The following RSPO2 variants were observed in gnomAD, a reference collection of about 807,000 sequenced individuals.
RSPO2 encodes R-spondin 2, also known as R-spondin-2.
Under a neutral mutation model 30.9 loss-of-function variants are expected in RSPO2, and 14 were observed. The observed-to-expected ratio is 0.45, with a 90% CI of 0.30 to 0.71. The LOEUF (loss-of-function observed/expected upper bound fraction) is 0.71, where lower values mean the gene tolerates loss of function less well. Among genes scored for constraint, RSPO2 ranks in the 30% least tolerant of loss-of-function variants. RSPO2 has a pLI of 0.08. For missense variants in RSPO2, 264 were observed against 301.9 expected (o/e 0.87, Z 0.93); for synonymous variants, 107 against 96.4 (o/e 1.11, Z -0.64).
At chr8:108,075,252 G>A (rs1013081267) in intron 2 of RSPO2, among the ~76,000 whole-genome samples, 4 of 152,144 alleles carry the variant, frequency 2.6e-5, no homozygotes, top group Non-Finnish European at 5.9e-5. Context: ...AGGCCAAGGC[G>A]GGAGGATCAC....
intron 2 of RSPO2, among the ~76,000 whole-genome samples, chr8:108,074,421 TACACACATGC>T (rs1453891141): frequency 1.3e-5 from 2 of 152,174 alleles, no homozygotes; most frequent in Non-Finnish European, 2.9e-5. Context: ...TACAGGCAAG[TACACACATGC>T]ACACACACAT....
intron 2 of RSPO2, among the ~76,000 whole-genome samples, chr8:108,064,826 T>C (rs1172977663): frequency 6.6e-6 from 1 of 152,174 alleles, no homozygotes; most frequent in Non-Finnish European, 1.5e-5. Context: ...ATATACACCA[T>C]GGAATACTAT....
At chr8:107,903,718 C>A (rs1054875855) in intron 5 of RSPO2, among the ~76,000 whole-genome samples, 1 of 152,048 alleles carries the variant, frequency 6.6e-6, no homozygotes, top group African/African-American at 2.4e-5. Context: ...CTAATTACAA[C>A]CCTAAAGATT....
intron 2 of RSPO2, among the ~76,000 whole-genome samples, chr8:108,048,449 A>G (rs1047257694): frequency 2.0e-5 from 3 of 151,992 alleles, no homozygotes; most frequent in African/African-American, 7.3e-5. Context: ...CAGTAATGTT[A>G]AGAAAATTGA....
intron 5 of RSPO2, among the ~76,000 whole-genome samples, chr8:107,928,107 A>G (rs1812443040): frequency 2.0e-5 from 3 of 152,126 alleles, no homozygotes; most frequent in Admixed American, 6.6e-5. Context: ...TATTTTAGAG[A>G]CCCATGAGAA....
intron 5 of RSPO2, among the ~76,000 whole-genome samples, chr8:107,928,480 C>T (rs891258408): frequency 2.0e-5 from 3 of 152,144 alleles, no homozygotes; most frequent in Admixed American, 2.0e-4. Flanking sequence ...CTAAGCCTAA[C>T]CTTTTGATTC....
At position 107,901,560 on chromosome 8, in the gene RSPO2, G is replaced by C. The variant is rs74777535; in HGVS notation, c.617-370C>G. On this transcript the variant is annotated intron_variant, in intron 5 of 5. Coordinates refer to ENST00000276659, the MANE Select transcript of RSPO2 (RefSeq NM_178565.5). ...CTTACTACTGCTCCACGTGTCAGTGGGTCAAAAGAAAATAAGCATCTATCT... is the reference window on the plus strand; with the variant it reads ...CTTACTACTGCTCCACGTGTCAGTGCGTCAAAAGAAAATAAGCATCTATCT... Among the ~76,000 whole-genome samples the C allele has an allele frequency of 2.1e-3, 314 of 152,196 alleles. 6 individuals carry two copies. The East Asian group carries it at 0.047, about 23-fold the overall frequency.
At chr8:107,926,668 C>T (rs1422628586) in intron 5 of RSPO2, among the ~76,000 whole-genome samples, 2 of 152,096 alleles carry the variant, frequency 1.3e-5, no homozygotes, top group Non-Finnish European at 2.9e-5. Context: ...TTCCCCATTG[C>T]TTGTTTTTCT....
Position 108,082,477 on chromosome 8 carries a change from G to T in RSPO2, c.94+68C>A, listed in dbSNP as rs114901516. 1.0e-3 allele frequency: 1,264 copies of T among 1,226,058 alleles called. 14 individuals carry two copies. In the African/African-American group the frequency reaches 0.017, roughly 17 times the overall value. 75.9% of individuals were successfully genotyped at this position (1,226,058 alleles called of 1,614,324 possible). ...GACCATCTGAGCCCCCGGAGCCAGG[G>T]CGTGAGTGAGCGCCTCCACACGCCA... On this transcript the variant is annotated intron_variant, in intron 2 of 5. Transcript: ENST00000276659.
intron 2 of RSPO2, among the ~76,000 whole-genome samples, chr8:108,056,916 G>A (rs919725724): frequency 2.7e-5 from 4 of 150,750 alleles, no homozygotes; most frequent in Non-Finnish European, 4.4e-5. Context: ...AATTAGCCGG[G>A]CATGGTGGCA....
chr8:107,982,783 T>G (rs1814490233), intron 3 of RSPO2, among the ~76,000 whole-genome samples: 1 of 152,198 alleles, frequency 6.6e-6, no homozygotes, highest in African/African-American at 2.4e-5. Context: ...CACTTACTTC[T>G]CCGCAAGCCT....
intron 2 of RSPO2, among the ~76,000 whole-genome samples, chr8:108,040,774 T>A (rs1901497): frequency 0.2 from 30,776 of 151,826 alleles, 3,387 homozygotes; most frequent in Middle Eastern, 0.28. Flanking sequence ...TGGGCAGGAG[T>A]GCTGATAATG....
intron 2 of RSPO2, among the ~76,000 whole-genome samples, chr8:108,029,780 C>T (rs1004776369): frequency 2.0e-5 from 3 of 152,118 alleles, no homozygotes; most frequent in African/African-American, 7.2e-5. Context: ...AAGAGGGTAT[C>T]GACAGGAGTT....
intron 3 of RSPO2, among the ~76,000 whole-genome samples, chr8:107,969,664 G>C (rs1253943578): frequency 6.6e-6 from 1 of 152,146 alleles, no homozygotes; most frequent in Non-Finnish European, 1.5e-5. Context: ...TGCTTAAAGA[G>C]AATTTTTTTC....
At chr8:107,982,037 G>C (rs917700247) in intron 3 of RSPO2, among the ~76,000 whole-genome samples, 2 of 137,644 alleles carry the variant, frequency 1.5e-5, no homozygotes, top group Non-Finnish European at 3.1e-5. Flanking sequence ...AAAAAAGGAA[G>C]GAAAGAAAGA....
chr8:107,956,013 A>G (rs1442285610), intron 5 of RSPO2, among the ~76,000 whole-genome samples: 1 of 152,208 alleles, frequency 6.6e-6, no homozygotes, highest in African/African-American at 2.4e-5. Context: ...ACTAGTCGCC[A>G]TGACCTATTG....
intron 2 of RSPO2, among the ~76,000 whole-genome samples, chr8:108,041,203 CA>C (rs55937336): frequency 0.26 from 26,222 of 100,258 alleles, 2,200 homozygotes; most frequent in Admixed American, 0.29. Flanking sequence ...CAAAAAGTGG[CA>C]AAAAAAAAAA....
rs1813484061 is a variant in RSPO2 at position 107,958,062 on chromosome 8, G to C, written c.616+18C>G. 2 of 1,590,736 alleles carry C rather than the reference G, an allele frequency of 1.3e-6. No individual in the cohort carries two copies. The highest frequency in any genetic ancestry group is 1.7e-5 in the Admixed American group (1 of 59,670). On this transcript the variant is annotated intron_variant, in intron 5 of 5. Coordinates refer to ENST00000276659, the MANE Select transcript of RSPO2 (RefSeq NM_178565.5). ...CAGGAAGCACACAGCACACAGTAGTGATTATATCCACACCTACCTCCTGGA... is the reference window on the plus strand; with the variant it reads ...CAGGAAGCACACAGCACACAGTAGTCATTATATCCACACCTACCTCCTGGA...
intron 2 of RSPO2, among the ~76,000 whole-genome samples, chr8:108,068,621 AG>A (rs1812743844): frequency 6.6e-6 from 1 of 152,340 alleles, no homozygotes; most frequent in Non-Finnish European, 1.5e-5. Flanking sequence ...ATTTGCAAAT[AG>A]GGTTTTTGCA....
Sources: gnomAD v4.1 joint callset for allele counts (sites outside exome capture counted in the v4.1 genomes callset) on GRCh38, gnomAD v4.1.1 for gene constraint, MANE v1.5 for transcripts, NCBI Gene and HGNC (gene_info 2026-07-23, HGNC 2026-07-21) for gene names.